The following ARHGAP6 variants were observed in gnomAD, a reference collection of about 807,000 sequenced individuals.
ARHGAP6 encodes Rho GTPase activating protein 6.
In ARHGAP6, 16 loss-of-function variants were observed where a neutral mutation model predicts 55.7. The observed-to-expected ratio is 0.29, with a 90% CI of 0.19 to 0.44. ARHGAP6 has a LOEUF of 0.44. Among genes scored for constraint, ARHGAP6 ranks in the 20% least tolerant of loss-of-function variants. The pLI, the probability that ARHGAP6 is intolerant of heterozygous loss-of-function variation, is 1.00. For synonymous variants in ARHGAP6, 382 were observed against 360.9 expected, an observed-to-expected ratio of 1.06 and a Z score of -0.66; for missense variants, 698 against 808.9, an observed-to-expected ratio of 0.86 and a Z score of 1.66.
chrX:11,174,557 CCTTCCTTCCTTCCTTCCTTTCTTT>C (rs1369545966), intron 8 of ARHGAP6, among the ~76,000 whole-genome samples: 13 of 80,049 alleles, frequency 1.6e-4, no homozygotes, highest in African/African-American at 5.4e-4. Flanking sequence ...TTCCTTCCTT[CCTTCCTTCCTTCCTTCCTTTCTTT>C]CTTTCTTTCT....
intron 1 of ARHGAP6, among the ~76,000 whole-genome samples, chrX:11,515,248 G>A (rs2050826676): frequency 8.9e-6 from 1 of 112,095 alleles, no homozygotes; most frequent in Non-Finnish European, 1.9e-5. Flanking sequence ...TCATGCAGAA[G>A]GAAGAACTTT....
At chrX:11,211,391 T>C (rs1009507947) in intron 2 of ARHGAP6, among the ~76,000 whole-genome samples, 13 of 108,594 alleles carry the variant, frequency 1.2e-4, no homozygotes, top group Middle Eastern at 4.7e-3. Flanking sequence ...TTAGCCCGCC[T>C]GGCTAATTTT....
At chrX:11,352,519 T>C (rs1241751512) in intron 1 of ARHGAP6, among the ~76,000 whole-genome samples, 1 of 111,950 alleles carries the variant, frequency 8.9e-6, no homozygotes, top group Non-Finnish European at 1.9e-5. Flanking sequence ...ATCTCCCATA[T>C]CTGAGGCCTT....
chrX:11,405,847 T>C (rs756880117), intron 1 of ARHGAP6, among the ~76,000 whole-genome samples: 19 of 111,865 alleles, frequency 1.7e-4, no homozygotes, highest in African/African-American at 6.2e-4. Flanking sequence ...AAAAGTTACT[T>C]AGCCTCTACA....
chrX:11,491,849 A>C (rs2050573658), intron 1 of ARHGAP6, among the ~76,000 whole-genome samples: 1 of 108,448 alleles, frequency 9.2e-6, no homozygotes, highest in Admixed American at 9.9e-5. Flanking sequence ...AAGTGTTCCT[A>C]TTTCTCCACA....
chrX:11,359,192 G>C (rs1329380493), intron 1 of ARHGAP6, among the ~76,000 whole-genome samples: 1 of 111,976 alleles, frequency 8.9e-6, no homozygotes, highest in East Asian at 2.8e-4. Context: ...CTGATGGTAT[G>C]AATCTGTACA....
chrX:11,613,492 TCA>T (rs1210414399), intron 1 of ARHGAP6, among the ~76,000 whole-genome samples: 1 of 112,271 alleles, frequency 8.9e-6, no homozygotes, highest in East Asian at 2.8e-4. Context: ...CCACACACTT[TCA>T]CAGAGTGTCC....
intron 2 of ARHGAP6, among the ~76,000 whole-genome samples, chrX:11,199,785 C>T (rs780729160): frequency 1.2e-4 from 13 of 112,091 alleles, no homozygotes; most frequent in South Asian, 3.7e-4. Flanking sequence ...AATTAGATAG[C>T]GGTGAATGTT....
At chrX:11,528,291 A>C (rs1440582686) in intron 1 of ARHGAP6, among the ~76,000 whole-genome samples, 1 of 112,257 alleles carries the variant, frequency 8.9e-6, no homozygotes, top group Non-Finnish European at 1.9e-5. Flanking sequence ...AATAGACAAT[A>C]CCTATGGTGC....
intron 1 of ARHGAP6, among the ~76,000 whole-genome samples, chrX:11,526,660 G>A (rs2050992162): frequency 9.0e-6 from 1 of 111,508 alleles, no homozygotes; most frequent in African/African-American, 3.3e-5. Context: ...AGGTGGTAGT[G>A]GGAGAGCCTC....
intron 1 of ARHGAP6, among the ~76,000 whole-genome samples, chrX:11,603,022 G>A (rs1431614691): frequency 8.9e-6 from 1 of 111,947 alleles, no homozygotes; most frequent in Non-Finnish European, 1.9e-5. Flanking sequence ...CTTAAGTCAC[G>A]GAGATTGTGA....
chrX:11,514,421 G>T (rs1204886844), intron 1 of ARHGAP6, among the ~76,000 whole-genome samples: 6 of 109,970 alleles, frequency 5.5e-5, no homozygotes, highest in African/African-American at 2.0e-4. Flanking sequence ...TGTCGTGGGG[G>T]AATATCCTCT....
At chrX:11,552,599 T>TATATATATATATACAC (rs1491079107) in intron 1 of ARHGAP6, among the ~76,000 whole-genome samples, 1 of 48,230 alleles carries the variant, frequency 2.1e-5, no homozygotes, top group Non-Finnish European at 3.8e-5. Context: ...TATATATATA[T>TATATATATATATACAC]AGACACACAC....
At chrX:11,364,990 G>A (rs1028226869) in intron 1 of ARHGAP6, among the ~76,000 whole-genome samples, 2 of 111,383 alleles carry the variant, frequency 1.8e-5, no homozygotes, top group Admixed American at 1.9e-4. Flanking sequence ...AGGAAGGTGG[G>A]GGAAATGCAA....
At chrX:11,412,036 G>C (rs2049693719) in intron 1 of ARHGAP6, among the ~76,000 whole-genome samples, 1 of 110,980 alleles carries the variant, frequency 9.0e-6, no homozygotes, top group South Asian at 3.8e-4. Context: ...TTCACACACA[G>C]ATAGAAAAAG....
chrX:11,556,217 TATC>T, intron 1 of ARHGAP6, among the ~76,000 whole-genome samples: 1 of 112,055 alleles, frequency 8.9e-6, no homozygotes, highest in Non-Finnish European at 1.9e-5. Context: ...TCACTATCAT[TATC>T]ATCCTCCTCA....
chrX:11,629,037 T>A (rs2052331766), intron 1 of ARHGAP6, among the ~76,000 whole-genome samples: 2 of 110,575 alleles, frequency 1.8e-5, no homozygotes, highest in Admixed American at 9.6e-5. Flanking sequence ...GAGCTAGAGC[T>A]CGAGTCTTAC....
chrX:11,152,190 A>G (rs2045790857), intron 10 of ARHGAP6, among the ~76,000 whole-genome samples: 1 of 112,216 alleles, frequency 8.9e-6, no homozygotes, highest in African/African-American at 3.2e-5. Context: ...CTCTTAACTA[A>G]TAGACCGCAT....
chrX:11,189,026 G>A (rs945498708), intron 3 of ARHGAP6, 42 bp from the exon 4 acceptor site: 14 of 1,177,846 alleles, frequency 1.2e-5, no homozygotes, highest in Non-Finnish European at 1.6e-5. Context: ...AGACTGACTG[G>A]TCCAGTGAAC....
Sources: allele counts gnomAD v4.1 joint callset (sites outside exome capture counted in the v4.1 genomes callset), GRCh38; gene constraint gnomAD v4.1.1; transcripts MANE v1.5; gene names NCBI Gene and HGNC (gene_info 2026-07-23, HGNC 2026-07-21).